Variants in CDIN1 observed in about 807,000 individuals in gnomAD.
CDIN1 encodes CDAN1 interacting nuclease 1.
CDIN1 carries 33 observed loss-of-function variants against 45.3 expected under a neutral mutation model. That is an observed-to-expected ratio of 0.73 (90% CI 0.55 to 0.97). CDIN1 has a LOEUF of 0.97. Ranked by LOEUF, CDIN1 falls within the 50% of genes least tolerant of loss-of-function variation. CDIN1 has a pLI of 0.00. For synonymous variants in CDIN1, 118 were observed against 124.4 expected, an observed-to-expected ratio of 0.95 and a Z score of 0.34; for missense variants, 303 against 339.4, an observed-to-expected ratio of 0.89 and a Z score of 0.84.
At chr15:36,681,129 C>G (rs145282132) in intron 5 of CDIN1, among the ~76,000 whole-genome samples, 2 of 151,618 alleles carry the variant, frequency 1.3e-5, no homozygotes, top group Non-Finnish European at 2.9e-5. Flanking sequence ...AGTATAAAAT[C>G]TAAACATTTT....
chr15:36,777,092 G>T (rs1455606779), intron 10 of CDIN1, among the ~76,000 whole-genome samples: 1 of 152,064 alleles, frequency 6.6e-6, no homozygotes, highest in Non-Finnish European at 1.5e-5. Context: ...CTTATCAGTA[G>T]GGATTACCAT....
chr15:36,788,027 G>A (rs1231887976), intron 10 of CDIN1, among the ~76,000 whole-genome samples: 1 of 141,624 alleles, frequency 7.1e-6, no homozygotes, highest in Non-Finnish European at 1.5e-5. Flanking sequence ...ACCTGGAAAG[G>A]TAAAATATTG....
chr15:36,718,124 A>G lies in CDIN1; in HGVS notation c.716+8163A>G, dbSNP rs2043278429. The stretch of plus-strand genomic sequence containing the variant: ...ATGGTTCTAGAACCCTTTTTTGAGA[A>G]GACTCTTTTTTCTCCACCTAAATTA... On this transcript the variant is annotated intron_variant, in intron 10 of 10. Coordinates refer to ENST00000566621, the MANE Select transcript of CDIN1 (RefSeq NM_001321759.2). 2.6e-5 allele frequency among the ~76,000 whole-genome samples: 4 copies of G among 151,908 alleles called. No individual in the cohort carries two copies. The South Asian group carries it at 8.3e-4, about 32-fold the overall frequency.
Position 36,645,298 on chromosome 15 carries a change from C to T in CDIN1, c.212+11C>T, listed in dbSNP as rs1389440963. The T allele has an allele frequency of 6.5e-7, 1 of 1,541,950 alleles. No individual in the cohort carries two copies. The highest frequency in any genetic ancestry group is 1.2e-5 in the South Asian group (1 of 83,778). On this transcript the variant is annotated intron_variant, in intron 3 of 10. Coordinates refer to ENST00000566621, the MANE Select transcript of CDIN1 (RefSeq NM_001321759.2). ...AAGTTATTACCAGAGGTATGACCTTCCTGCCCCACTAGAGGGTATCATAGT... is the reference window on the plus strand; with the variant it reads ...AAGTTATTACCAGAGGTATGACCTTTCTGCCCCACTAGAGGGTATCATAGT...
rs551198762 is a variant in CDIN1, at chr15:36,592,739, C to T, written c.101+12778C>T. Among the ~76,000 whole-genome samples the T allele has an allele frequency of 1.1e-3, 163 of 152,030 alleles. 1 individual carries two copies. Among genetic ancestry groups the T allele is most frequent in the South Asian group, 1.9e-3 (9 of 4,816 alleles). ...ATAATGGACATTTGATTGAACTTGC[C>T]TAAAGAATGCTGCTTGATTTTTTTT... is the stretch of plus-strand genomic sequence containing the variant. On this transcript the variant is annotated intron_variant, in intron 1 of 10. Coordinates refer to ENST00000566621, the MANE Select transcript of CDIN1 (RefSeq NM_001321759.2).
At chr15:36,759,095 A>G (rs1566954748) in intron 10 of CDIN1, among the ~76,000 whole-genome samples, 1 of 152,104 alleles carries the variant, frequency 6.6e-6, no homozygotes, top group Non-Finnish European at 1.5e-5. Context: ...GTGTTTGTCC[A>G]AGGTTTTCAT....
chr15:36,631,654 G>A (rs2039684691), intron 1 of CDIN1, among the ~76,000 whole-genome samples: 1 of 152,116 alleles, frequency 6.6e-6, no homozygotes, highest in African/African-American at 2.4e-5. Flanking sequence ...CCATTCATCA[G>A]CTGATGGACA....
intron 10 of CDIN1, among the ~76,000 whole-genome samples, chr15:36,802,672 T>C (rs1014371960): frequency 2.0e-5 from 3 of 152,038 alleles, no homozygotes; most frequent in African/African-American, 4.8e-5. Context: ...TTTAGTTTTA[T>C]ACTTTAAAAA....
intron 1 of CDIN1, chr15:36,613,698 AG>A (rs779069941): frequency 1.9e-5 from 29 of 1,505,044 alleles, no homozygotes; most frequent in Non-Finnish European, 2.7e-5. Flanking sequence ...GCCCTGCAAA[AG>A]CTAGAAGAAG....
intron 1 of CDIN1, among the ~76,000 whole-genome samples, chr15:36,602,435 T>C (rs1372838257): frequency 6.6e-6 from 1 of 152,206 alleles, no homozygotes; most frequent in Admixed American, 6.5e-5. Flanking sequence ...TTGGTACTTT[T>C]GAGAATGGAG....
At chr15:36,637,949 T>C (rs2039967546) in intron 1 of CDIN1, among the ~76,000 whole-genome samples, 2 of 152,008 alleles carry the variant, frequency 1.3e-5, no homozygotes, top group Admixed American at 1.3e-4. Flanking sequence ...AGTGGCTCAT[T>C]TGTGAGAGGG....
chr15:36,626,718 G>T, intron 1 of CDIN1: 1 of 432,510 alleles, frequency 2.3e-6, no homozygotes, highest in South Asian at 1.8e-5. Context: ...TGGTTCACCT[G>T]AAAATATCCT....
chr15:36,631,565 T>G (rs1417182098), intron 1 of CDIN1, among the ~76,000 whole-genome samples: 1 of 152,204 alleles, frequency 6.6e-6, no homozygotes, highest in Non-Finnish European at 1.5e-5. Context: ...CTTATCTGAG[T>G]CATAGCATAT....
At chr15:36,791,561 A>G (rs1159920879) in intron 10 of CDIN1, among the ~76,000 whole-genome samples, 1 of 152,198 alleles carries the variant, frequency 6.6e-6, no homozygotes, top group South Asian at 2.1e-4. Context: ...CTGTAGAGGC[A>G]TAAGTATCTC....
chr15:36,732,643 A>T (rs1273728247), intron 10 of CDIN1, among the ~76,000 whole-genome samples: 1 of 152,118 alleles, frequency 6.6e-6, no homozygotes. Context: ...AGGGAAAGAA[A>T]GATTTAAAGA....
chr15:36,778,299 GCAGC>G (rs532317085), intron 10 of CDIN1, among the ~76,000 whole-genome samples: 332 of 152,270 alleles, frequency 2.2e-3, no homozygotes, highest in African/African-American at 6.9e-3. Flanking sequence ...AGCCTGGAAG[GCAGC>G]CCGAGAAAGT....
chr15:36,786,445 T>TGG (rs1410120991), intron 10 of CDIN1, among the ~76,000 whole-genome samples: 1 of 152,334 alleles, frequency 6.6e-6, no homozygotes, highest in African/African-American at 2.4e-5. Flanking sequence ...GTACTTCCCC[T>TGG]GAGTGGACAC....
At chr15:36,640,559 A>G in intron 1 of CDIN1, 24 of 879,252 alleles carry the variant, frequency 2.7e-5, no homozygotes, top group Non-Finnish European at 3.0e-5. Context: ...TCTATAGAAA[A>G]GGAGCTTTAA....
intron 3 of CDIN1, among the ~76,000 whole-genome samples, chr15:36,650,283 C>T (rs202131115): frequency 6.6e-6 from 1 of 152,110 alleles, no homozygotes; most frequent in East Asian, 1.9e-4. Flanking sequence ...AATAAAATGG[C>T]GTTAGTACAG....
Sources: allele counts gnomAD v4.1 joint callset (sites outside exome capture counted in the v4.1 genomes callset), GRCh38; gene constraint gnomAD v4.1.1; transcripts MANE v1.5; gene names NCBI Gene and HGNC (gene_info 2026-07-23, HGNC 2026-07-21).